Variants in ADAMTS12 observed in about 807,000 individuals in gnomAD.
ADAMTS12 encodes A disintegrin and metalloproteinase with thrombospondin motifs 12.
Under a neutral mutation model 167.8 loss-of-function variants are expected in ADAMTS12, and 118 were observed. That is an observed-to-expected ratio of 0.70 (90% CI 0.61 to 0.82). ADAMTS12 has a LOEUF of 0.82. Ranked by LOEUF, ADAMTS12 falls within the 40% of genes least tolerant of loss-of-function variation. The pLI is 0.00. For synonymous variants in ADAMTS12, 704 were observed against 716.9 expected (o/e 0.98, Z 0.29); for missense variants, 1,916 against 1,998.8 (o/e 0.96, Z 0.79).
At chr5:33,703,239 T>G (rs368016297) in intron 3 of ADAMTS12, among the ~76,000 whole-genome samples, 73 of 152,324 alleles carry the variant, frequency 4.8e-4, no homozygotes, top group Middle Eastern at 3.4e-3. Context: ...ATAACTGTTT[T>G]GTTCAAATAG....
intron 3 of ADAMTS12, among the ~76,000 whole-genome samples, chr5:33,699,196 T>G (rs1183208752): frequency 1.3e-4 from 20 of 151,860 alleles, no homozygotes. Flanking sequence ...ATAAAAAGCT[T>G]AAGTTAGGAG....
intron 18 of ADAMTS12, among the ~76,000 whole-genome samples, chr5:33,579,807 G>T (rs540655760): frequency 6.6e-6 from 1 of 152,192 alleles, no homozygotes; most frequent in Non-Finnish European, 1.5e-5. Flanking sequence ...GACAATTAGT[G>T]ATTGAAAGCT....
At chr5:33,838,695 A>G (rs933028972) in intron 2 of ADAMTS12, among the ~76,000 whole-genome samples, 2 of 152,144 alleles carry the variant, frequency 1.3e-5, no homozygotes, top group African/African-American at 4.8e-5. Context: ...CGAAAAAAAG[A>G]AAGAAGCAGA....
intron 16 of ADAMTS12, among the ~76,000 whole-genome samples, chr5:33,598,843 A>T (rs1738042673): frequency 6.6e-6 from 1 of 152,194 alleles, no homozygotes. Flanking sequence ...ACAGAGTCTA[A>T]TTCTCCTGGC....
In ADAMTS12 at chr5:33,848,046, C is replaced by A. The variant is rs1342694203; in HGVS notation, c.489+33073G>T. 2.0e-5 allele frequency among the ~76,000 whole-genome samples: 3 copies of A among 150,326 alleles called. No homozygotes were observed. In the South Asian group the frequency reaches 6.3e-4, roughly 31 times the overall value. ...CCTGGCCCATATGGTGAAACCCCAT[C>A]TCTACTAAAAATACAAAAAAAGGAG... is the stretch of plus-strand genomic sequence containing the variant. On this transcript the variant is annotated intron_variant, in intron 2 of 23. Transcript: ENST00000504830.
At chr5:33,594,808 C>T (rs1236401140) in intron 17 of ADAMTS12, among the ~76,000 whole-genome samples, 1 of 152,174 alleles carries the variant, frequency 6.6e-6, no homozygotes, top group Non-Finnish European at 1.5e-5. Context: ...TGGGTCCTGC[C>T]TGTTTGGACT....
chr5:33,553,487 G>A (rs1745348881), intron 20 of ADAMTS12, among the ~76,000 whole-genome samples: 2 of 152,176 alleles, frequency 1.3e-5, no homozygotes, highest in East Asian at 3.8e-4. Flanking sequence ...ATGATAAATT[G>A]GATAAAGAAA....
intron 3 of ADAMTS12, among the ~76,000 whole-genome samples, chr5:33,700,396 A>C (rs570162261): frequency 6.6e-6 from 1 of 152,348 alleles, no homozygotes; most frequent in South Asian, 2.1e-4. Context: ...ACTCACCAGG[A>C]AATAATTATG....
intron 20 of ADAMTS12, among the ~76,000 whole-genome samples, chr5:33,553,739 G>A (rs181349924): frequency 2.6e-5 from 4 of 152,234 alleles, no homozygotes; most frequent in Non-Finnish European, 4.4e-5. Context: ...AGGAGGGAGA[G>A]GATCAGGAAA....
At chr5:33,579,563 C>A (rs1241210479) in intron 18 of ADAMTS12, among the ~76,000 whole-genome samples, 1 of 151,992 alleles carries the variant, frequency 6.6e-6, no homozygotes, top group Non-Finnish European at 1.5e-5. Flanking sequence ...ATTTTAAATG[C>A]CAAAGTATAG....
chr5:33,839,329 A>C lies in ADAMTS12; in HGVS notation c.489+41790T>G, dbSNP rs916427803. Reference sequence around the variant, plus strand: ...CAGAAATCTTTTATCCCACATTTCAAGTGTCTTTTATAGGCTAATCAATAT... The same window carrying C: ...CAGAAATCTTTTATCCCACATTTCACGTGTCTTTTATAGGCTAATCAATAT... On this transcript the variant is annotated intron_variant, in intron 2 of 23. Coordinates refer to ENST00000504830, the MANE Select transcript of ADAMTS12 (RefSeq NM_030955.4). Among the ~76,000 whole-genome samples, 5 of 152,324 alleles carry C rather than the reference A, an allele frequency of 3.3e-5. No homozygotes were observed. In the East Asian group the frequency reaches 9.6e-4, roughly 29 times the overall value.
rs1249803639 is a variant in ADAMTS12 at position 33,661,994 on chromosome 5, A to G, written c.962T>C (p.Phe321Ser). Residue 321 changes from phenylalanine to serine, a missense_variant, in exon 6 of 24, where the codon TTC becomes TCC. Transcript: ENST00000504830. ...ATTGATACTCTTCTGCCACTTGCAG[A>G]AGCTAGACAGTGTCTTTTCTGCATG... is the stretch of plus-strand genomic sequence containing the variant. Reference protein sequence around the residue: ...VHHAEKTLSSFCKWQKSINPK... With the variant: ...VHHAEKTLSSSCKWQKSINPK... 1 of 1,612,998 alleles carries G rather than the reference A, an allele frequency of 6.2e-7. No individual in the cohort carries two copies. The highest frequency in any genetic ancestry group is 8.5e-7 in the Non-Finnish European group (1 of 1,179,650).
At chr5:33,832,655 G>C (rs957746807) in intron 2 of ADAMTS12, among the ~76,000 whole-genome samples, 10 of 152,290 alleles carry the variant, frequency 6.6e-5, no homozygotes, top group Non-Finnish European at 1.2e-4. Context: ...GGCACTAGCG[G>C]GGTGGTGGTG....
chr5:33,608,184 A>G (rs1177146691), intron 16 of ADAMTS12, among the ~76,000 whole-genome samples: 1 of 152,174 alleles, frequency 6.6e-6, no homozygotes, highest in African/African-American at 2.4e-5. Context: ...AGTAAGTAGC[A>G]CTGTGCCACA....
chr5:33,574,743 TATA>T (rs754642024), intron 19 of ADAMTS12, among the ~76,000 whole-genome samples: 1 of 152,046 alleles, frequency 6.6e-6, no homozygotes, highest in African/African-American at 2.4e-5. Context: ...AACTTAAAAG[TATA>T]ATAATAATAG....
chr5:33,641,474 G>A (rs1425645622), intron 11 of ADAMTS12, among the ~76,000 whole-genome samples: 1 of 152,108 alleles, frequency 6.6e-6, no homozygotes, highest in Non-Finnish European at 1.5e-5. Flanking sequence ...TGATAAAATT[G>A]AGTTATTTAA....
At chr5:33,862,102 C>T (rs1426399687) in intron 2 of ADAMTS12, among the ~76,000 whole-genome samples, 1 of 152,140 alleles carries the variant, frequency 6.6e-6, no homozygotes, top group Admixed American at 6.6e-5. Flanking sequence ...GACACACTAA[C>T]ATCACAATTA....
At chr5:33,627,923 T>C (rs1739736312) in intron 13 of ADAMTS12, among the ~76,000 whole-genome samples, 1 of 150,194 alleles carries the variant, frequency 6.7e-6, no homozygotes, top group Admixed American at 6.6e-5. Flanking sequence ...AAAGCTTAGG[T>C]GGATTGAAGA....
intron 16 of ADAMTS12, among the ~76,000 whole-genome samples, chr5:33,597,750 A>C (rs1737973559): frequency 6.6e-6 from 1 of 152,146 alleles, no homozygotes; most frequent in African/African-American, 2.4e-5. Context: ...AGGCTTTCCC[A>C]ACTAACAGAT....
Sources: gnomAD v4.1 joint callset for allele counts (sites outside exome capture counted in the v4.1 genomes callset) on GRCh38, gnomAD v4.1.1 for gene constraint, MANE v1.5 for transcripts, NCBI Gene and HGNC (gene_info 2026-07-23, HGNC 2026-07-21) for gene names.